CDH2: variants seen among roughly 807,000 people sequenced by gnomAD.
The protein encoded by CDH2 is cadherin 2.
A neutral mutation model predicts 92.0 loss-of-function variants in CDH2; 17 were observed. The ratio of observed to expected loss-of-function variants is 0.18; its 90% CI spans 0.13 to 0.28. CDH2 has a LOEUF of 0.28. Ranked by LOEUF, CDH2 falls within the 10% of genes least tolerant of loss-of-function variation. The pLI, the probability that CDH2 is intolerant of heterozygous loss-of-function variation, is 1.00. For synonymous variants in CDH2, 419 were observed against 415.9 expected (o/e 1.01, Z -0.09); for missense variants, 862 against 1,133.1 (o/e 0.76, Z 3.44).
intron 14 of CDH2, among the ~76,000 whole-genome samples, chr18:27,964,105 C>T (rs1299833390): frequency 1.3e-5 from 2 of 152,146 alleles, no homozygotes; most frequent in East Asian, 1.9e-4. Context: ...AAATGTGCTA[C>T]AGGGAATATA....
intron 2 of CDH2, among the ~76,000 whole-genome samples, chr18:28,061,623 CA>C (rs1260891416): frequency 3.3e-5 from 5 of 152,118 alleles, no homozygotes; most frequent in Non-Finnish European, 5.9e-5. Flanking sequence ...AACCCAAAAG[CA>C]AACAAATACT....
At chr18:28,018,553 T>C (rs556094857) in intron 2 of CDH2, among the ~76,000 whole-genome samples, 3 of 151,930 alleles carry the variant, frequency 2.0e-5, no homozygotes, top group South Asian at 2.1e-4. Context: ...TATAGACCAA[T>C]GGAACAGAAA....
At position 28,156,659 on chromosome 18, in the gene CDH2, TGCAGA is replaced by T. The variant is rs1568020587; in HGVS notation, c.61-8880_61-8876del. ...AGGTGCAGCATGTCACCTTCCCAGG[TGCAGA>T]ATGTCACCTTCCCAGGTACAGCATG... On this transcript the variant is annotated intron_variant, in intron 1 of 15. Transcript: ENST00000269141. Among the ~76,000 whole-genome samples the T allele has an allele frequency of 5.9e-5, 3 of 50,708 alleles. 1 individual carries two copies. The highest frequency in any genetic ancestry group is 1.9e-4 in the Admixed American group (1 of 5,270). The allele number at this position is 50,708 out of a possible 152,430, so 33.3% of individuals were successfully genotyped here.
chr18:28,008,285 G>C (rs1325429273), intron 5 of CDH2, among the ~76,000 whole-genome samples: 1 of 152,096 alleles, frequency 6.6e-6, no homozygotes, highest in African/African-American at 2.4e-5. Context: ...TTGTCTTTGT[G>C]AGACGTTTGG....
At chr18:27,940,750 A>G (rs1298830724) in intron 6 of CDH2, among the ~76,000 whole-genome samples, 1 of 152,234 alleles carries the variant, frequency 6.6e-6, no homozygotes, top group African/African-American at 2.4e-5. Context: ...CAAAAACAGT[A>G]AAAGACAGTA....
intron 2 of CDH2, among the ~76,000 whole-genome samples, chr18:28,077,963 A>C (rs2014757051): frequency 6.6e-6 from 1 of 152,040 alleles, no homozygotes; most frequent in Non-Finnish European, 1.5e-5. Context: ...AAGCTTTGCA[A>C]AATCTGGATA....
At chr18:28,070,428 T>C (rs1266006150) in intron 2 of CDH2, among the ~76,000 whole-genome samples, 1 of 152,212 alleles carries the variant, frequency 6.6e-6, no homozygotes, top group East Asian at 1.9e-4. Context: ...TGCACTGGTA[T>C]GTCACTGATT....
At chr18:28,098,463 T>C (rs1389705493) in intron 2 of CDH2, among the ~76,000 whole-genome samples, 1 of 152,160 alleles carries the variant, frequency 6.6e-6, no homozygotes, top group Non-Finnish European at 1.5e-5. Flanking sequence ...ATCAATACCT[T>C]GTTTTATGTG....
Position 27,985,656 on chromosome 18 carries a change from G to A in CDH2, c.1847C>T (p.Pro616Leu), listed in dbSNP as rs757404285. Residue 616 changes from proline (P) to leucine (L), a missense_variant, in exon 12 of 16, where the codon CCA becomes CTA. Physicochemically the swap from Pro to Leu is moderately conservative, Grantham distance 98. Around this residue, in one of 5 missense-constraint regions of CDH2, gnomAD observed 564 missense variants for 722.2 expected, o/e 0.78. Coordinates refer to ENST00000269141, the MANE Select transcript of CDH2 (RefSeq NM_001792.5). Reference protein sequence around the residue: ...LPQEAETCETPDPNSINITAL... With the variant: ...LPQEAETCETLDPNSINITAL... The stretch of plus-strand genomic sequence containing the variant: ...TGTAATATTAATTGAATTGGGGTCT[G>A]GAGTTTCGCAAGTCTCTGCCTCTTG... 1.2e-6 allele frequency: 2 copies of A among 1,613,628 alleles called. No homozygotes were observed. The highest frequency in any genetic ancestry group is 1.7e-6 in the Non-Finnish European group (2 of 1,179,694).
chr18:28,073,717 C>T (rs11564294), intron 2 of CDH2, among the ~76,000 whole-genome samples: 2 of 152,108 alleles, frequency 1.3e-5, no homozygotes, highest in Admixed American at 6.5e-5. Flanking sequence ...ACAAAGTAAT[C>T]AAGCTACTAG....
At chr18:28,100,375 C>T (rs1252135178) in intron 2 of CDH2, among the ~76,000 whole-genome samples, 1 of 152,212 alleles carries the variant, frequency 6.6e-6, no homozygotes, top group Non-Finnish European at 1.5e-5. Flanking sequence ...TTTCTGCCAT[C>T]AGACTCAAAC....
chr18:28,093,992 A>G (rs939469325), intron 2 of CDH2, among the ~76,000 whole-genome samples: 2 of 152,312 alleles, frequency 1.3e-5, no homozygotes, highest in Non-Finnish European at 1.5e-5. Flanking sequence ...CCACACACCA[A>G]TGAATCTAAA....
chr18:28,066,712 T>A (rs1439764126), intron 2 of CDH2, among the ~76,000 whole-genome samples: 1 of 151,808 alleles, frequency 6.6e-6, no homozygotes, highest in East Asian at 1.9e-4. Flanking sequence ...TACCACTGGA[T>A]TAGATGGAAA....
intron 2 of CDH2, among the ~76,000 whole-genome samples, chr18:28,074,492 C>G (rs752920073): frequency 6.6e-6 from 1 of 152,030 alleles, no homozygotes; most frequent in African/African-American, 2.4e-5. Context: ...GTGATCCACC[C>G]GCATCAGCCT....
At chr18:28,161,608 C>T (rs1338075904) in intron 1 of CDH2, among the ~76,000 whole-genome samples, 1 of 146,146 alleles carries the variant, frequency 6.8e-6, no homozygotes, top group African/African-American at 2.5e-5. Flanking sequence ...AAAAGCAAAG[C>T]TATAGATCTT....
chr18:28,113,311 CT>C (rs34813178), intron 2 of CDH2, among the ~76,000 whole-genome samples: 1 of 151,840 alleles, frequency 6.6e-6, no homozygotes. Context: ...ATTTTATATT[CT>C]TTTTTTGGTA....
intron 2 of CDH2, among the ~76,000 whole-genome samples, chr18:28,087,602 A>T (rs2014957666): frequency 6.6e-6 from 1 of 152,076 alleles, no homozygotes. Context: ...AAAAAAAAAT[A>T]ACCCTTGTCT....
At chr18:28,170,116 A>C (rs2016442833) in intron 1 of CDH2, among the ~76,000 whole-genome samples, 1 of 152,214 alleles carries the variant, frequency 6.6e-6, no homozygotes. Context: ...TTATTTAGCT[A>C]TCCATTAATT....
At chr18:28,104,304 G>T (rs1322405248) in intron 2 of CDH2, among the ~76,000 whole-genome samples, 1 of 152,130 alleles carries the variant, frequency 6.6e-6, no homozygotes, top group African/African-American at 2.4e-5. Flanking sequence ...AAATCAAAAT[G>T]ATTTAAAAGT....
Sources: gnomAD v4.1 joint callset for allele counts (sites outside exome capture counted in the v4.1 genomes callset) on GRCh38, gnomAD v4.1.1 for gene constraint, gnomAD v4.1.1 regional missense constraint, MANE v1.5 for transcripts, NCBI Gene and HGNC (gene_info 2026-07-23, HGNC 2026-07-21) for gene names.